Variants in STUM observed in about 807,000 individuals in gnomAD.
STUM encodes stum, mechanosensory transduction mediator homolog, also known as protein stum homolog.
In STUM, 8 loss-of-function variants were observed where a neutral mutation model predicts 15.3. That is an observed-to-expected ratio of 0.52 (90% CI 0.31 to 0.94). STUM has a LOEUF of 0.94. Ranked by LOEUF, STUM falls within the 40% of genes least tolerant of loss-of-function variation. STUM has a pLI of 0.05. For missense variants in STUM, 142 were observed against 204.9 expected (o/e 0.69, Z 1.87); for synonymous variants, 78 against 88.7 (o/e 0.88, Z 0.68).
intron 1 of STUM, among the ~76,000 whole-genome samples, chr1:226,593,523 A>G (rs926424422): frequency 1.3e-5 from 2 of 152,052 alleles, no homozygotes; most frequent in Admixed American, 6.5e-5. Flanking sequence ...TGGGGTGATG[A>G]GTTTGCCCAG....
At chr1:226,599,226 C>T (rs1409448558) in intron 2 of STUM, among the ~76,000 whole-genome samples, 1 of 152,302 alleles carries the variant, frequency 6.6e-6, no homozygotes, top group East Asian at 1.9e-4. Context: ...GGGGGATAGA[C>T]TTGAGGGCTG....
chr1:226,587,054 G>A (rs957510191), intron 1 of STUM, among the ~76,000 whole-genome samples: 1 of 152,158 alleles, frequency 6.6e-6, no homozygotes, highest in Non-Finnish European at 1.5e-5. Flanking sequence ...AACATCCTGG[G>A]AAGACCCCTG....
intron 1 of STUM, among the ~76,000 whole-genome samples, chr1:226,554,986 G>A (rs1390442964): frequency 3.3e-5 from 5 of 152,142 alleles, no homozygotes; most frequent in East Asian, 1.9e-4. Context: ...TCCAGTGGCC[G>A]GTTCTCTGTC....
At chr1:226,551,660 C>T (rs1667378066) in intron 1 of STUM, among the ~76,000 whole-genome samples, 1 of 152,254 alleles carries the variant, frequency 6.6e-6, no homozygotes, top group African/African-American at 2.4e-5. Flanking sequence ...TTCACTCATT[C>T]ATTTGACCAA....
At chr1:226,556,590 A>T (rs1312407463) in intron 1 of STUM, among the ~76,000 whole-genome samples, 1 of 152,176 alleles carries the variant, frequency 6.6e-6, no homozygotes, top group Non-Finnish European at 1.5e-5. Flanking sequence ...TGATGCCACA[A>T]AGCATCATGA....
chr1:226,548,931 G>C lies in STUM; in HGVS notation c.27G>C (p.Glu9Asp), dbSNP rs1667320461. The C allele has an allele frequency of 2.8e-6, 4 of 1,444,662 alleles. No individual in the cohort carries two copies. The highest frequency in any genetic ancestry group is 3.6e-6 in the Non-Finnish European group (4 of 1,104,654). The allele number at this position is 1,444,662 out of a possible 1,614,324, so 89.5% of individuals were successfully genotyped here. MEPSHKDA[E>D]TAAAAAAVAA... ...TGGAGCCCTCGCACAAAGACGCCGA[G>C]ACGGCGGCGGCGGCGGCGGCGGTGG... Residue 9 changes from glutamate (E) to aspartate (D), a missense_variant, in exon 1 of 4, where the codon GAG becomes GAC. Physicochemically the swap from Glu to Asp is conservative, Grantham distance 45. Around this residue, in one of 2 missense-constraint regions of STUM, gnomAD observed 113 missense variants for 134.4 expected, o/e 0.84. Transcript: ENST00000366788.
intron 2 of STUM, among the ~76,000 whole-genome samples, chr1:226,599,166 A>G (rs768619885): frequency 2.6e-5 from 4 of 152,144 alleles, no homozygotes; most frequent in Non-Finnish European, 5.9e-5. Context: ...GAATTGTGGG[A>G]GTTACAATTC....
intron 1 of STUM, among the ~76,000 whole-genome samples, chr1:226,577,610 C>T (rs998687970): frequency 9.2e-4 from 140 of 152,278 alleles, no homozygotes; most frequent in African/African-American, 3.1e-3. Context: ...TGGTGTTCTT[C>T]GCTGCCAGAG....
intron 1 of STUM, among the ~76,000 whole-genome samples, chr1:226,579,847 C>T (rs1400091759): frequency 6.6e-6 from 1 of 152,000 alleles, no homozygotes; most frequent in Admixed American, 6.5e-5. Context: ...GTTGCTTGGG[C>T]CTCAAGCAAG....
chr1:226,577,036 C>G (rs1319901675), intron 1 of STUM, among the ~76,000 whole-genome samples: 2 of 152,138 alleles, frequency 1.3e-5, no homozygotes, highest in African/African-American at 4.8e-5. Flanking sequence ...CTACTGCTCA[C>G]AGCCACATAC....
chr1:226,596,724 C>A, intron 1 of STUM, 78 bp from the exon 2 acceptor site: 3 of 1,342,784 alleles, frequency 2.2e-6, no homozygotes, highest in Non-Finnish European at 3.1e-6. Flanking sequence ...GACAGCTGGG[C>A]CCCAGGCCAG....
At position 226,565,888 on chromosome 1, in the gene STUM, C is replaced by T. The variant is rs1232198139; in HGVS notation, c.202+16782C>T. Among the ~76,000 whole-genome samples the T allele has an allele frequency of 6.6e-6, 1 of 152,232 alleles. No homozygotes were observed. The highest frequency in any genetic ancestry group is 1.5e-5 in the Non-Finnish European group (1 of 68,042). On this transcript the variant is annotated intron_variant, in intron 1 of 3. Coordinates refer to ENST00000366788, the MANE Select transcript of STUM (RefSeq NM_001003665.4). This position sits in a 1 kb window ranked among gnomAD's most constrained non-coding sequence, Gnocchi z 4.4. The stretch of plus-strand genomic sequence containing the variant: ...ATCTCCCTCTTTCACCTGGAGCCTT[C>T]ATTTTGGAAGGTGCAACAGCTGCCC...
intron 3 of STUM, 104 bp from the exon 4 acceptor site, chr1:226,601,902 T>C: frequency 1.1e-6 from 1 of 906,450 alleles, no homozygotes; most frequent in East Asian, 2.5e-5. Flanking sequence ...TACACCTTAG[T>C]ATAAACAATG....
intron 1 of STUM, among the ~76,000 whole-genome samples, chr1:226,553,702 A>T (rs139561463): frequency 1.2e-3 from 179 of 152,338 alleles, no homozygotes; most frequent in Non-Finnish European, 1.7e-3. Context: ...CTCTAAGCGC[A>T]TAGGGTCTGT....
chr1:226,590,064 G>A (rs1326859229), intron 1 of STUM, among the ~76,000 whole-genome samples: 4 of 143,442 alleles, frequency 2.8e-5, no homozygotes, highest in African/African-American at 7.9e-5. Flanking sequence ...ACACTGCTTC[G>A]GAAAACTTTG....
chr1:226,578,726 A>G (rs1024588499), intron 1 of STUM, among the ~76,000 whole-genome samples: 1 of 152,110 alleles, frequency 6.6e-6, no homozygotes, highest in Admixed American at 6.5e-5. Flanking sequence ...GGCCAAGTTT[A>G]AAGCCCACAG....
Position 226,602,363 on chromosome 1 carries a change from C to T in STUM, c.*323C>T. On this transcript the variant is annotated 3_prime_UTR_variant, in exon 4 of 4. Transcript: ENST00000366788. Reference sequence around the variant, plus strand: ...CTGGCCTTGCTGTACCCACTGCCCACCGCAAAGGCACGCCACGTCTGCTGG... The same window carrying T: ...CTGGCCTTGCTGTACCCACTGCCCATCGCAAAGGCACGCCACGTCTGCTGG... 2.7e-6 allele frequency: 1 copy of T among 363,948 alleles called. No homozygotes were observed. Among genetic ancestry groups the T allele is most frequent in the Non-Finnish European group, 5.1e-6 (1 of 196,506 alleles). The allele number at this position is 363,948 out of a possible 1,614,324, so 22.5% of individuals were successfully genotyped here.
chr1:226,584,481 T>G (rs1257542207), intron 1 of STUM, among the ~76,000 whole-genome samples: 1 of 152,064 alleles, frequency 6.6e-6, no homozygotes, highest in African/African-American at 2.4e-5. Flanking sequence ...GTCAAAGAAT[T>G]GGCCGCCTGA....
At position 226,600,403 on chromosome 1, in the gene STUM, C is replaced by G. The variant is rs565275984; in HGVS notation, c.383-263C>G. Among the ~76,000 whole-genome samples, 178 of 152,326 alleles carry G rather than the reference C, an allele frequency of 1.2e-3. No homozygotes were observed. The highest frequency in any genetic ancestry group is 1.8e-3 in the Non-Finnish European group (120 of 68,026). On this transcript the variant is annotated intron_variant, in intron 2 of 3. Transcript: ENST00000366788. The surrounding 1 kb of genome is among the most constrained non-coding windows in gnomAD (Gnocchi z 5.2). The stretch of plus-strand genomic sequence containing the variant: ...GCTCCCTGGCAGTGTGAGAGCCCCT[C>G]GCTGTGCCCCTAGCCACACCCACAC...
Sources: gnomAD v4.1 joint callset for allele counts (sites outside exome capture counted in the v4.1 genomes callset) on GRCh38, gnomAD v4.1.1 for gene constraint, gnomAD v4.1.1 regional missense constraint, Gnocchi (gnomAD v3.1) non-coding constraint, MANE v1.5 for transcripts, NCBI Gene and HGNC (gene_info 2026-07-23, HGNC 2026-07-21) for gene names.